The following SHQ1 variants were observed in gnomAD, a reference collection of about 807,000 sequenced individuals.
SHQ1 encodes SHQ1, H/ACA ribonucleoprotein assembly factor, also known as protein SHQ1 homolog.
SHQ1 carries 49 observed loss-of-function variants against 53.8 expected under a neutral mutation model. That is an observed-to-expected ratio of 0.91 (90% CI 0.72 to 1.16). The LOEUF is 1.16. Ranked by LOEUF, SHQ1 falls within the 50% of genes most tolerant of loss-of-function variation. The pLI is 0.00. For missense variants in SHQ1, 738 were observed against 683.1 expected (o/e 1.08, Z -0.90); for synonymous variants, 243 against 251.0 (o/e 0.97, Z 0.30).
intron 5 of SHQ1, among the ~76,000 whole-genome samples, chr3:72,828,457 G>A (rs1247738634): frequency 1.3e-5 from 2 of 152,192 alleles, no homozygotes; most frequent in Admixed American, 1.3e-4. Context: ...CACTTTGGGA[G>A]GCCAAGGCAG....
chr3:72,743,785 A>C, the SHQ1 span, among the ~76,000 whole-genome samples: 226 of 152,366 alleles, frequency 1.5e-3, no homozygotes, highest in African/African-American at 5.3e-3. Context: ...TCTGTGCTCT[A>C]GTAAATAAGA....
intron 10 of SHQ1, among the ~76,000 whole-genome samples, chr3:72,760,682 AT>A (rs937865420): frequency 1.3e-5 from 2 of 152,232 alleles, no homozygotes; most frequent in Admixed American, 6.5e-5. Flanking sequence ...TGAGAGTAAT[AT>A]AAATTATTTA....
chr3:72,749,551 G>A lies in SHQ1; in HGVS notation c.*733C>T, dbSNP rs1167010364. On this transcript the variant is annotated 3_prime_UTR_variant, in exon 11 of 11. Coordinates refer to ENST00000325599, the MANE Select transcript of SHQ1 (RefSeq NM_018130.3). Reference sequence around the variant, plus strand: ...CATGCAAACTAATAACAGGGCACAAGGGCACTTGGGAATGATGGGTCCGTT... The same window carrying A: ...CATGCAAACTAATAACAGGGCACAAAGGCACTTGGGAATGATGGGTCCGTT... 4.5e-6 allele frequency: 1 copy of A among 220,758 alleles called. No individual in the cohort carries two copies. The highest frequency in any genetic ancestry group is 9.1e-6 in the Non-Finnish European group (1 of 110,284). 13.7% of individuals were successfully genotyped at this position (220,758 alleles called of 1,614,324 possible).
chr3:72,772,450 CA>C (rs1406391273), intron 10 of SHQ1: 10 of 426,618 alleles, frequency 2.3e-5, no homozygotes, highest in African/African-American at 1.4e-4. Context: ...ATGAGATTGT[CA>C]GATGTTCACT....
chr3:72,753,166 A>T, intron 10 of SHQ1: 1 of 985,470 alleles, frequency 1.0e-6, no homozygotes. Context: ...GGTGACAGTG[A>T]GTGAAAGTGG....
chr3:72,812,281 A>C (rs1707148846), intron 9 of SHQ1, among the ~76,000 whole-genome samples: 1 of 152,196 alleles, frequency 6.6e-6, no homozygotes, highest in Admixed American at 6.5e-5. Context: ...CATCTGTCTG[A>C]CAAAACTGTA....
At chr3:72,798,297 C>T (rs1230581259) in intron 9 of SHQ1, among the ~76,000 whole-genome samples, 2 of 152,178 alleles carry the variant, frequency 1.3e-5, no homozygotes, top group African/African-American at 4.8e-5. Flanking sequence ...GTTAGGGATT[C>T]TCTAGGATGG....
At chr3:72,744,923 T>TGGG (rs371271667), downstream of SHQ1, among the ~76,000 whole-genome samples, 52 of 72,758 alleles carry the variant, frequency 7.1e-4, no homozygotes, top group African/African-American at 1.6e-3. Flanking sequence ...TTTGATACAT[T>TGGG]GGGGGGGGGG....
chr3:72,777,705 T>A (rs1303170959), intron 10 of SHQ1, among the ~76,000 whole-genome samples: 1 of 152,226 alleles, frequency 6.6e-6, no homozygotes, highest in Non-Finnish European at 1.5e-5. Context: ...TTCCTAGGTA[T>A]AGGGCTTAAC....
At chr3:72,833,109 T>G (rs1707871084) in intron 4 of SHQ1, among the ~76,000 whole-genome samples, 1 of 152,116 alleles carries the variant, frequency 6.6e-6, no homozygotes, top group South Asian at 2.1e-4. Flanking sequence ...CTCAAAAAGT[T>G]TTGGATTTTG....
intron 9 of SHQ1, among the ~76,000 whole-genome samples, chr3:72,798,916 T>C (rs1326693167): frequency 6.6e-6 from 1 of 152,250 alleles, no homozygotes; most frequent in Non-Finnish European, 1.5e-5. Flanking sequence ...TTTCTGGGTA[T>C]CTATTCTGCC....
intron 6 of SHQ1, among the ~76,000 whole-genome samples, chr3:72,818,027 A>G (rs1575719751): frequency 6.6e-6 from 1 of 151,790 alleles, no homozygotes; most frequent in South Asian, 2.1e-4. Flanking sequence ...ATTCGTCAAC[A>G]GCCTCTCACA....
At chr3:72,815,554 G>A (rs1208180334) in intron 7 of SHQ1, 151 bp from the exon 8 acceptor site, 1 of 570,590 alleles carries the variant, frequency 1.8e-6, no homozygotes, top group Non-Finnish European at 3.0e-6. Context: ...TAATTATTTT[G>A]CTGATACAGA....
At chr3:72,807,640 A>G (rs1305384999) in intron 9 of SHQ1, among the ~76,000 whole-genome samples, 1 of 152,228 alleles carries the variant, frequency 6.6e-6, no homozygotes, top group Non-Finnish European at 1.5e-5. Context: ...TAAATATTAA[A>G]AAGAAATTCA....
intron 10 of SHQ1, among the ~76,000 whole-genome samples, chr3:72,767,964 A>G (rs1470284356): frequency 6.6e-6 from 1 of 152,044 alleles, no homozygotes; most frequent in African/African-American, 2.4e-5. Context: ...TGCTCCTTTC[A>G]TTCCTTGTCA....
At chr3:72,827,917 G>A (rs998240523) in intron 5 of SHQ1, among the ~76,000 whole-genome samples, 2 of 151,838 alleles carry the variant, frequency 1.3e-5, no homozygotes, top group African/African-American at 4.8e-5. Context: ...ACCATGCCCA[G>A]CTAATTTTTT....
At chr3:72,751,500 G>GTATATATATATATATA (rs1411876975) in intron 10 of SHQ1, among the ~76,000 whole-genome samples, 1 of 119,596 alleles carries the variant, frequency 8.4e-6, no homozygotes, top group African/African-American at 4.1e-5. Context: ...GTGTGTGTGT[G>GTATATATATATATATA]TGTGTGTGTA....
chr3:72,842,394 T>C lies in SHQ1; in HGVS notation c.217A>G (p.Thr73Ala). ...GGGGTTTCTTTGGGCAGGCGAATGG[T>C]AAAAATTCCTTAAAGATAAATTTGT... ...GSYDADKGIF[T>A]IRLPKETPGQ... is the part of the protein sequence containing the mutation. The change falls in exon 3 of 11, where the codon ACC (threonine) becomes GCC (alanine). Residue 73 changes from threonine to alanine, a missense_variant. Coordinates refer to ENST00000325599, the MANE Select transcript of SHQ1 (RefSeq NM_018130.3). 1 of 1,613,070 alleles carries C rather than the reference T, an allele frequency of 6.2e-7. No homozygotes were observed. The highest frequency in any genetic ancestry group is 8.5e-7 in the Non-Finnish European group (1 of 1,179,372).
intron 10 of SHQ1, chr3:72,773,064 C>G: frequency 2.3e-6 from 2 of 854,716 alleles, no homozygotes; most frequent in Non-Finnish European, 4.0e-6. Context: ...AGTCCATGTT[C>G]TCTAAGTACT....
Sources: allele counts gnomAD v4.1 joint callset (sites outside exome capture counted in the v4.1 genomes callset), GRCh38; gene constraint gnomAD v4.1.1; transcripts MANE v1.5; gene names NCBI Gene and HGNC (gene_info 2026-07-23, HGNC 2026-07-21).